UGT2A2: variants seen among roughly 807,000 people sequenced by gnomAD.
The protein encoded by UGT2A2 is UDP-glucuronosyltransferase 2A2.
UGT2A2 carries 60 observed loss-of-function variants against 50.7 expected under a neutral mutation model. The ratio of observed to expected loss-of-function variants is 1.18; its 90% CI spans 0.96 to 1.47. The LOEUF (loss-of-function observed/expected upper bound fraction) is 1.47, where lower values mean the gene tolerates loss of function less well. Among genes scored for constraint, UGT2A2 ranks in the 40% most tolerant of loss-of-function variants. The probability of loss-of-function intolerance (pLI) is 0.00; values close to 1 mark genes in which losing one functional copy is unlikely to be tolerated. For missense variants in UGT2A2, 762 were observed against 634.0 expected (o/e 1.20, Z -2.17); for synonymous variants, 242 against 214.6 (o/e 1.13, Z -1.11).
chr4:69,639,543 A>G lies in UGT2A2; in HGVS notation c.98T>C (p.Leu33Ser), dbSNP rs1470518850. The change falls in exon 1 of 6, where the codon TTA (leucine) becomes TCA (serine). Residue 33 changes from leucine to serine, a missense_variant. Physicochemically the swap from Leu to Ser is moderately radical, Grantham distance 145. Coordinates refer to ENST00000604629, the MANE Select transcript of UGT2A2 (RefSeq NM_001105677.2). ...ATGGCTACCATCTGTAGGCCAAATT[A>G]ACACATTCCCACTTAGAACAACTTC... ...LTEVVLSGNVLIWPTDGSHWL... is the reference protein window; with the variant it reads ...LTEVVLSGNVSIWPTDGSHWL... 4 of 1,613,116 alleles carry G rather than the reference A, an allele frequency of 2.5e-6. No homozygotes were observed. Among genetic ancestry groups the G allele is most frequent in the Non-Finnish European group, 3.4e-6 (4 of 1,179,522 alleles).
chr4:69,590,856 A>G (rs147606966), intron 5 of UGT2A2, among the ~76,000 whole-genome samples: 135 of 152,294 alleles, frequency 8.9e-4, no homozygotes, highest in African/African-American at 3.2e-3. Flanking sequence ...TTATACACTA[A>G]TGTTTTATGA....
At chr4:69,590,369 G>A (rs1346284318) in intron 5 of UGT2A2, among the ~76,000 whole-genome samples, 1 of 152,166 alleles carries the variant, frequency 6.6e-6, no homozygotes, top group Non-Finnish European at 1.5e-5. Context: ...AATATTGGGT[G>A]GATATCTACA....
chr4:69,632,064 TAAC>T (rs1024338232), intron 1 of UGT2A2, among the ~76,000 whole-genome samples: 1 of 152,190 alleles, frequency 6.6e-6, no homozygotes, highest in Non-Finnish European at 1.5e-5. Context: ...TGATGTATAT[TAAC>T]TTTATTTTTG....
intron 1 of UGT2A2, among the ~76,000 whole-genome samples, chr4:69,613,025 G>T (rs775783249): frequency 6.8e-6 from 1 of 147,902 alleles, no homozygotes. Context: ...ATTTAAACAG[G>T]TCAACAAGCA....
intron 1 of UGT2A2, among the ~76,000 whole-genome samples, chr4:69,628,768 C>T (rs934318976): frequency 2.0e-5 from 3 of 147,294 alleles, no homozygotes; most frequent in Non-Finnish European, 4.5e-5. Context: ...TGTAAAGTTT[C>T]AGCTTACAAA....
intron 2 of UGT2A2, among the ~76,000 whole-genome samples, chr4:69,597,674 A>G (rs181799709): frequency 6.9e-4 from 105 of 152,114 alleles, no homozygotes; most frequent in African/African-American, 2.5e-3. Context: ...GTGCTTTGCC[A>G]TTTTGATTTA....
intron 1 of UGT2A2, among the ~76,000 whole-genome samples, chr4:69,618,640 C>T (rs1639777858): frequency 6.6e-6 from 1 of 151,940 alleles, no homozygotes; most frequent in Admixed American, 6.6e-5. Flanking sequence ...ACCCTCGATA[C>T]AGTAAAATCT....
chr4:69,638,946 AAT>A lies in UGT2A2; in HGVS notation c.693_694del (p.Phe232SerfsTer12). On this transcript the variant is annotated frameshift_variant, in exon 1 of 6. Coordinates refer to ENST00000604629, the MANE Select transcript of UGT2A2 (RefSeq NM_001105677.2). LOFTEE classifies it high-confidence loss of function. ...ATTCCATTCTCCCCAGTAGGACTGA[AAT>A]ATATAGTCTTGCAGAGAATAAGATA... 1 of 1,612,410 alleles carries A rather than the reference AAT, an allele frequency of 6.2e-7. No individual in the cohort carries two copies. Among genetic ancestry groups the A allele is most frequent in the African/African-American group, 1.3e-5 (1 of 75,006 alleles).
chr4:69,622,680 C>T (rs1720820439), intron 1 of UGT2A2, among the ~76,000 whole-genome samples: 1 of 151,708 alleles, frequency 6.6e-6, no homozygotes, highest in Non-Finnish European at 1.5e-5. Context: ...TTGAGGATTT[C>T]ATGTGTTATG....
intron 1 of UGT2A2, among the ~76,000 whole-genome samples, chr4:69,627,971 T>A (rs1339576532): frequency 6.6e-6 from 1 of 151,998 alleles, no homozygotes; most frequent in African/African-American, 2.4e-5. Context: ...ACAGATTGCC[T>A]TTTAAGTTTG....
chr4:69,628,591 C>A (rs1721217503), intron 1 of UGT2A2, among the ~76,000 whole-genome samples: 1 of 151,066 alleles, frequency 6.6e-6, no homozygotes, highest in Admixed American at 6.6e-5. Flanking sequence ...CATCACTCTT[C>A]AAATTTGATG....
chr4:69,594,647 G>A lies in UGT2A2; in HGVS notation c.1161C>T (p.Ile387=). 2 of 1,614,106 alleles carry A rather than the reference G, an allele frequency of 1.2e-6. No individual in the cohort carries two copies. Among genetic ancestry groups the A allele is most frequent in the Non-Finnish European group, 1.7e-6 (2 of 1,180,032 alleles). The change falls in exon 5 of 6, where the codon ATC becomes ATT. Residue 387 remains isoleucine, a synonymous_variant. Coordinates refer to ENST00000604629, the MANE Select transcript of UGT2A2 (RefSeq NM_001105677.2). The part of the protein sequence containing the change: ...AFITHGGTNG[I]YEAIYHGVPM... ...GGACTCCGTGGTAAATAGCTTCGTA[G>A]ATCCCATTAGTTCCACCATGAGTGA...
intron 2 of UGT2A2, 22 bp from the exon 3 acceptor site, chr4:69,596,403 T>A: frequency 1.3e-6 from 2 of 1,542,600 alleles, no homozygotes; most frequent in Non-Finnish European, 1.8e-6. Flanking sequence ...ATATATTTTC[T>A]ATTACAAAGG....
chr4:69,629,260 G>T (rs942251546), intron 1 of UGT2A2, among the ~76,000 whole-genome samples: 1 of 152,038 alleles, frequency 6.6e-6, no homozygotes, highest in Non-Finnish European at 1.5e-5. Context: ...CTAGCACTAT[G>T]AATAGCGTTC....
intron 2 of UGT2A2, among the ~76,000 whole-genome samples, chr4:69,598,973 TTTCTG>T (rs1416923355): frequency 1.3e-5 from 2 of 152,178 alleles, no homozygotes; most frequent in African/African-American, 4.8e-5. Flanking sequence ...ATGATCTGGT[TTTCTG>T]TCCCACCAAG....
rs528097248 is a variant in UGT2A2 at position 69,605,276 on chromosome 4, A to G, written c.743-5882T>C. On this transcript the variant is annotated intron_variant, in intron 1 of 5. Coordinates refer to ENST00000604629, the MANE Select transcript of UGT2A2 (RefSeq NM_001105677.2). Reference sequence around the variant, plus strand: ...CTCAGGATTAAGAAATTCACTCAAAACCGCTCAACTACATGGAAACTGAAC... The same window carrying G: ...CTCAGGATTAAGAAATTCACTCAAAGCCGCTCAACTACATGGAAACTGAAC... 4.9e-3 allele frequency among the ~76,000 whole-genome samples: 665 copies of G among 136,886 alleles called. 141 individuals are homozygous for G. Among genetic ancestry groups the G allele is most frequent in the Middle Eastern group, 0.019 (5 of 260 alleles). 89.8% of individuals were successfully genotyped at this position (136,886 alleles called of 152,430 possible).
intron 5 of UGT2A2, among the ~76,000 whole-genome samples, chr4:69,591,183 A>G (rs1363505092): frequency 6.6e-6 from 1 of 152,180 alleles, no homozygotes; most frequent in Non-Finnish European, 1.5e-5. Context: ...TTTGTAGCAA[A>G]ATATGAGTGA....
intron 1 of UGT2A2, among the ~76,000 whole-genome samples, chr4:69,632,505 A>G (rs917260890): frequency 6.6e-6 from 1 of 152,288 alleles, no homozygotes; most frequent in East Asian, 1.9e-4. Flanking sequence ...GATAATTTCT[A>G]TTTATGACCA....
At chr4:69,598,103 T>C (rs888274054) in intron 2 of UGT2A2, among the ~76,000 whole-genome samples, 1 of 152,140 alleles carries the variant, frequency 6.6e-6, no homozygotes, top group Non-Finnish European at 1.5e-5. Context: ...TGTCTTTATT[T>C]AGATATTGGT....
Sources: gnomAD v4.1 joint callset for allele counts (sites outside exome capture counted in the v4.1 genomes callset) on GRCh38, gnomAD v4.1.1 for gene constraint, MANE v1.5 for transcripts, NCBI Gene and HGNC (gene_info 2026-07-23, HGNC 2026-07-21) for gene names.